Variants in ALPK1 observed in about 807,000 individuals in gnomAD.
ALPK1 encodes the protein alpha-protein kinase 1.
Under a neutral mutation model 120.6 loss-of-function variants are expected in ALPK1, and 110 were observed. The ratio of observed to expected loss-of-function variants is 0.91; its 90% CI spans 0.78 to 1.07. The LOEUF is 1.07. ALPK1 is among the 50% of genes least tolerant of loss of function. The pLI is 0.00. For synonymous variants in ALPK1, 582 were observed against 560.3 expected, an observed-to-expected ratio of 1.04 and a Z score of -0.55; for missense variants, 1,498 against 1,483.9, an observed-to-expected ratio of 1.01 and a Z score of -0.16.
intron 4 of ALPK1, among the ~76,000 whole-genome samples, chr4:112,405,994 G>C (rs559433870): frequency 5.4e-4 from 82 of 152,284 alleles, no homozygotes; most frequent in African/African-American, 1.9e-3. Context: ...TATTGGCAAA[G>C]ATGTGGAGAA....
chr4:112,370,238 T>G (rs139397660), intron 2 of ALPK1, among the ~76,000 whole-genome samples: 354 of 152,342 alleles, frequency 2.3e-3, no homozygotes, highest in Non-Finnish European at 3.4e-3. Context: ...CTGAAGAATT[T>G]GTATATCAAA....
At chr4:112,325,906 T>C (rs542735755) in intron 2 of ALPK1, among the ~76,000 whole-genome samples, 1 of 152,276 alleles carries the variant, frequency 6.6e-6, no homozygotes, top group East Asian at 1.9e-4. Flanking sequence ...CCCAAAGGAT[T>C]TCACCCAGGC....
In ALPK1 at chr4:112,431,053, T is replaced by C; in HGVS notation, c.1506T>C (p.Thr502=). Residue 502 remains threonine, a synonymous_variant, in exon 11 of 16, where the codon ACT becomes ACC. Transcript: ENST00000650871. The part of the protein sequence containing the change: ...ALKTEIKNID[T]VSTTQEKPHC... ...AAACAGAAATAAAAAACATAGATAC[T>C]GTGAGTACTACTCAAGAAAAGCCAC... 6.2e-7 allele frequency: 1 copy of C among 1,614,062 alleles called. No homozygotes were observed.
At chr4:112,435,906 A>AC (rs1329335141) in intron 12 of ALPK1, among the ~76,000 whole-genome samples, 1 of 152,054 alleles carries the variant, frequency 6.6e-6, no homozygotes, top group Non-Finnish European at 1.5e-5. Context: ...ATCTTTGAAA[A>AC]CCCCACCCCA....
chr4:112,324,823 C>G lies in ALPK1; in HGVS notation c.-101+8971C>G, dbSNP rs1729034543. Among the ~76,000 whole-genome samples the G allele has an allele frequency of 2.6e-5, 4 of 152,022 alleles. No individual in the cohort carries two copies. The South Asian group carries it at 8.3e-4, about 32-fold the overall frequency. Reference sequence around the variant, plus strand: ...CACTGCAAGAACTTGCAGAGATGCCCAGAGCTTGTGGTAGATTGTCTGTCC... The same window carrying G: ...CACTGCAAGAACTTGCAGAGATGCCGAGAGCTTGTGGTAGATTGTCTGTCC... On this transcript the variant is annotated intron_variant, in intron 2 of 15. Transcript: ENST00000650871.
chr4:112,386,227 T>C (rs1732144845), intron 4 of ALPK1, among the ~76,000 whole-genome samples: 1 of 152,174 alleles, frequency 6.6e-6, no homozygotes, highest in African/African-American at 2.4e-5. Flanking sequence ...TCCCTGACTC[T>C]CCAATCCCTT....
intron 4 of ALPK1, among the ~76,000 whole-genome samples, chr4:112,395,314 A>G (rs71604938): frequency 0.18 from 27,522 of 152,182 alleles, 3,224 homozygotes; most frequent in Non-Finnish European, 0.26. Flanking sequence ...GCTTCATAAA[A>G]CAAGATTATC....
intron 9 of ALPK1, among the ~76,000 whole-genome samples, chr4:112,428,529 T>A (rs1205055899): frequency 6.6e-6 from 1 of 152,228 alleles, no homozygotes; most frequent in Non-Finnish European, 1.5e-5. Context: ...TCATGTCCCT[T>A]GTTCACTGAA....
At position 112,324,504 on chromosome 4, in the gene ALPK1, G is replaced by A. The variant is rs535071549; in HGVS notation, c.-101+8652G>A. On this transcript the variant is annotated intron_variant, in intron 2 of 15. Coordinates refer to ENST00000650871, the MANE Select transcript of ALPK1 (RefSeq NM_025144.4). Reference sequence around the variant, plus strand: ...TTTTGTTTTTGTTTTTTCAGACAGGGTCTAACTCTATTGTCCTGGATGGAG... The same window carrying A: ...TTTTGTTTTTGTTTTTTCAGACAGGATCTAACTCTATTGTCCTGGATGGAG... Among the ~76,000 whole-genome samples the A allele has an allele frequency of 3.3e-5, 5 of 152,054 alleles. No individual in the cohort carries two copies. The South Asian group carries it at 1.0e-3, about 32-fold the overall frequency.
At chr4:112,357,241 G>T in intron 2 of ALPK1, 1 of 1,480,404 alleles carries the variant, frequency 6.8e-7, no homozygotes. Context: ...CACTGGACCA[G>T]ATCATCCAGC....
At chr4:112,337,023 A>G (rs149647581) in intron 2 of ALPK1, among the ~76,000 whole-genome samples, 4 of 152,264 alleles carry the variant, frequency 2.6e-5, no homozygotes, top group Non-Finnish European at 5.9e-5. Flanking sequence ...TTTGTACATC[A>G]TAGTTTATTA....
intron 4 of ALPK1, among the ~76,000 whole-genome samples, chr4:112,406,869 T>C (rs568430102): frequency 1.3e-4 from 20 of 152,328 alleles, no homozygotes; most frequent in Admixed American, 1.2e-3. Flanking sequence ...CCTAGTCTAT[T>C]ATCATTAGTC....
At chr4:112,375,180 CTTT>C (rs200078535) in intron 2 of ALPK1, among the ~76,000 whole-genome samples, 119 of 127,330 alleles carry the variant, frequency 9.3e-4, no homozygotes, top group African/African-American at 3.3e-3. Context: ...TGATGTTTTT[CTTT>C]TTTTTTTTTT....
At position 112,431,901 on chromosome 4, in the gene ALPK1, T is replaced by C. The variant is rs986580200; in HGVS notation, c.2354T>C (p.Val785Ala). Residue 785 changes from valine (V) to alanine (A), a missense_variant, in exon 11 of 16, where the codon GTT becomes GCT. Transcript: ENST00000650871. ...ACATTTAAAGCTAGTCCCTCCTGGG[T>C]TGACCCAGAAGGAGAAACAGCAGAA... is the stretch of plus-strand genomic sequence containing the variant. ...GPTFKASPSW[V>A]DPEGETAEST... 18 of 1,613,984 alleles carry C rather than the reference T, an allele frequency of 1.1e-5. No individual in the cohort carries two copies. Among genetic ancestry groups the C allele is most frequent in the Non-Finnish European group, 1.5e-5 (18 of 1,180,030 alleles).
intron 2 of ALPK1, among the ~76,000 whole-genome samples, chr4:112,331,198 C>T (rs1032518460): frequency 7.9e-5 from 12 of 152,084 alleles, no homozygotes; most frequent in Admixed American, 5.2e-4. Flanking sequence ...TTGAACTCAT[C>T]GAGGAACAAT....
chr4:112,335,999 A>AAACCAACC (rs71595590), intron 2 of ALPK1, among the ~76,000 whole-genome samples: 10 of 151,788 alleles, frequency 6.6e-5, no homozygotes, highest in South Asian at 2.1e-4. Flanking sequence ...AATGAACGTA[A>AAACCAACC]AACCAACCAA....
At chr4:112,342,959 C>G (rs1247884323) in intron 2 of ALPK1, 1 of 152,476 alleles carries the variant, frequency 6.6e-6, no homozygotes, top group African/African-American at 2.4e-5. Flanking sequence ...CCTGATTCCT[C>G]CTGGTACAGA....
At chr4:112,356,942 C>A (rs561982703) in intron 2 of ALPK1, 3 of 761,402 alleles carry the variant, frequency 3.9e-6, no homozygotes, top group Non-Finnish European at 7.3e-6. Flanking sequence ...CCCCCATGAC[C>A]CGAGTTCGGG....
chr4:112,354,682 G>C (rs371406511), intron 2 of ALPK1, among the ~76,000 whole-genome samples: 2 of 152,160 alleles, frequency 1.3e-5, no homozygotes, highest in East Asian at 3.9e-4. Flanking sequence ...TGTCCAGGCT[G>C]GTCTCGAACT....
Sources: allele counts gnomAD v4.1 joint callset (sites outside exome capture counted in the v4.1 genomes callset), GRCh38; gene constraint gnomAD v4.1.1; transcripts MANE v1.5; gene names NCBI Gene and HGNC (gene_info 2026-07-23, HGNC 2026-07-21).